Variants in PTPRM observed in about 807,000 individuals in gnomAD.
PTPRM encodes the protein protein tyrosine phosphatase receptor type M.
Under a neutral mutation model 186.7 loss-of-function variants are expected in PTPRM, and 47 were observed. That is an observed-to-expected ratio of 0.25 (90% confidence interval 0.20 to 0.32). The LOEUF (loss-of-function observed/expected upper bound fraction) is 0.32, where lower values mean the gene tolerates loss of function less well. PTPRM is among the 10% of genes least tolerant of loss of function. PTPRM has a pLI of 1.00. For synonymous variants in PTPRM, 668 were observed against 674.9 expected (o/e 0.99, Z 0.16); for missense variants, 1,494 against 1,865.0 (o/e 0.80, Z 3.66).
chr18:7,872,154 T>G (rs2048014741), intron 2 of PTPRM, among the ~76,000 whole-genome samples: 1 of 152,178 alleles, frequency 6.6e-6, no homozygotes, highest in Non-Finnish European at 1.5e-5. Flanking sequence ...AAAATTCAGT[T>G]GTCAGCATAA....
chr18:8,113,866 A>G (rs1490003384), intron 12 of PTPRM, 107 bp downstream of exon 12: 6 of 1,138,590 alleles, frequency 5.3e-6, no homozygotes, highest in South Asian at 1.9e-5. Context: ...CTGCATTTCT[A>G]CTTGTAAACA....
chr18:8,232,797 A>T (rs1179718902), intron 14 of PTPRM, among the ~76,000 whole-genome samples: 1 of 152,212 alleles, frequency 6.6e-6, no homozygotes, highest in African/African-American at 2.4e-5. Context: ...ATAGAAGACA[A>T]AGACAAAAGA....
chr18:8,006,495 C>T (rs953837257), intron 7 of PTPRM, among the ~76,000 whole-genome samples: 1 of 152,190 alleles, frequency 6.6e-6, no homozygotes, highest in Non-Finnish European at 1.5e-5. Context: ...GCACCAAAGG[C>T]ATCCTTGCAC....
chr18:7,873,050 A>T (rs1383001133), intron 2 of PTPRM, among the ~76,000 whole-genome samples: 1 of 152,156 alleles, frequency 6.6e-6, no homozygotes, highest in Non-Finnish European at 1.5e-5. Context: ...TAGTTTTTAA[A>T]TGATAGATTT....
chr18:8,257,170 C>G (rs1236263472), intron 19 of PTPRM, among the ~76,000 whole-genome samples: 1 of 152,180 alleles, frequency 6.6e-6, no homozygotes, highest in African/African-American at 2.4e-5. Context: ...TGACTTCTCT[C>G]TTGGAAGATG....
At chr18:8,311,977 G>T (rs931252279) in intron 20 of PTPRM, among the ~76,000 whole-genome samples, 3 of 152,160 alleles carry the variant, frequency 2.0e-5, no homozygotes, top group African/African-American at 7.2e-5. Flanking sequence ...TGACGAGGGG[G>T]TACAACAGAT....
At chr18:7,981,007 C>T (rs763737392) in intron 7 of PTPRM, among the ~76,000 whole-genome samples, 1 of 152,148 alleles carries the variant, frequency 6.6e-6, no homozygotes, top group East Asian at 1.9e-4. Flanking sequence ...GCCCCCTCTC[C>T]ATCAGTTCCC....
chr18:8,016,588 C>A (rs1001039065), intron 7 of PTPRM, among the ~76,000 whole-genome samples: 1 of 151,206 alleles, frequency 6.6e-6, no homozygotes, highest in East Asian at 1.9e-4. Context: ...ATTTGAGAGT[C>A]CTCAAAGCTT....
intron 15 of PTPRM, 56 bp downstream of exon 15, chr18:8,244,265 A>T: frequency 2.2e-6 from 3 of 1,367,042 alleles, no homozygotes; most frequent in African/African-American, 1.6e-5. Flanking sequence ...GCAAGATTCC[A>T]GGTGGTACTA....
At chr18:7,750,045 T>G (rs1350365919) in intron 1 of PTPRM, among the ~76,000 whole-genome samples, 2 of 152,206 alleles carry the variant, frequency 1.3e-5, no homozygotes, top group Non-Finnish European at 2.9e-5. Context: ...GGTTTTAAGA[T>G]CTGGTATTCT....
At chr18:8,124,351 C>T (rs2145848320) in intron 13 of PTPRM, among the ~76,000 whole-genome samples, 1 of 152,344 alleles carries the variant, frequency 6.6e-6, no homozygotes, top group South Asian at 2.1e-4. Flanking sequence ...CATCACCCAT[C>T]AACTTCGATA....
chr18:8,141,269 C>T (rs1203718078), intron 13 of PTPRM, among the ~76,000 whole-genome samples: 4 of 152,154 alleles, frequency 2.6e-5, no homozygotes, highest in Non-Finnish European at 5.9e-5. Context: ...CCGACTCAAC[C>T]GGATGGCCAC....
intron 7 of PTPRM, among the ~76,000 whole-genome samples, chr18:8,020,810 T>C (rs2085170065): frequency 6.6e-6 from 1 of 152,188 alleles, no homozygotes; most frequent in Non-Finnish European, 1.5e-5. Flanking sequence ...TCAACACCCA[T>C]TTTTGCATGT....
chr18:8,267,376 TTTG>T lies in PTPRM; in HGVS notation c.2754+13968_2754+13970del, dbSNP rs537829974. 9.3e-4 allele frequency among the ~76,000 whole-genome samples: 142 copies of T among 152,224 alleles called. 1 individual carries two copies. Among genetic ancestry groups the T allele is most frequent in the African/African-American group, 3.3e-3 (136 of 41,566 alleles). ...GTTTTTAAAGCTTTCCAGGCCCAATTTTGTTGTTTTCTTTTAAGAGAAAAATAT... is the reference window on the plus strand; with the variant it reads ...GTTTTTAAAGCTTTCCAGGCCCAATTTTGTTTTCTTTTAAGAGAAAAATAT... On this transcript the variant is annotated intron_variant, in intron 19 of 32. Transcript: ENST00000580170.
intron 2 of PTPRM, among the ~76,000 whole-genome samples, chr18:7,887,669 C>G (rs966210034): frequency 1.3e-5 from 2 of 152,190 alleles, no homozygotes; most frequent in African/African-American, 2.4e-5. Context: ...TGGAGATGCT[C>G]TGTATCTGTG....
chr18:7,734,208 G>A (rs1232169597), intron 1 of PTPRM, among the ~76,000 whole-genome samples: 1 of 152,162 alleles, frequency 6.6e-6, no homozygotes, highest in Non-Finnish European at 1.5e-5. Flanking sequence ...CACAAAGGAC[G>A]ACAGAGATCA....
chr18:7,743,772 C>T (rs1348016600), intron 1 of PTPRM, among the ~76,000 whole-genome samples: 2 of 152,080 alleles, frequency 1.3e-5, no homozygotes, highest in Non-Finnish European at 1.5e-5. Context: ...TATAGAGAAA[C>T]CTATGCTTGT....
chr18:8,232,660 A>G lies in PTPRM; in HGVS notation c.2301-11398A>G, dbSNP rs150616133. 2.4e-3 allele frequency among the ~76,000 whole-genome samples: 368 copies of G among 152,270 alleles called. 2 individuals carry two copies. The highest frequency in any genetic ancestry group is 3.9e-3 in the Non-Finnish European group (265 of 68,022). On this transcript the variant is annotated intron_variant, in intron 14 of 32. Transcript: ENST00000580170. The stretch of plus-strand genomic sequence containing the variant: ...TGCCTCAGCCTCCTAAGTAGCAAGT[A>G]CCAGAGATGGGGTTTCACCATGTTG...
At chr18:7,921,318 G>C (rs917354857) in intron 4 of PTPRM, among the ~76,000 whole-genome samples, 13 of 150,396 alleles carry the variant, frequency 8.6e-5, no homozygotes, top group Non-Finnish European at 1.6e-4. Flanking sequence ...TCAAATAGCT[G>C]TCTTCAAATT....
Sources: allele counts gnomAD v4.1 joint callset (sites outside exome capture counted in the v4.1 genomes callset), GRCh38; gene constraint gnomAD v4.1.1; transcripts MANE v1.5; gene names NCBI Gene and HGNC (gene_info 2026-07-23, HGNC 2026-07-21).